ADAMTS3: variants seen among roughly 807,000 people sequenced by gnomAD.
The protein encoded by ADAMTS3 is A disintegrin and metalloproteinase with thrombospondin motifs 3.
ADAMTS3 carries 73 observed loss-of-function variants against 129.0 expected under a neutral mutation model. The ratio of observed to expected loss-of-function variants is 0.57; its 90% CI spans 0.47 to 0.69. The LOEUF (loss-of-function observed/expected upper bound fraction) is 0.69, where lower values mean the gene tolerates loss of function less well. Ranked by LOEUF, ADAMTS3 falls within the 30% of genes least tolerant of loss-of-function variation. The probability of loss-of-function intolerance (pLI) is 0.00; values close to 1 mark genes in which losing one functional copy is unlikely to be tolerated. For missense variants in ADAMTS3, 1,457 were observed against 1,514.5 expected, an observed-to-expected ratio of 0.96 and a Z score of 0.63; for synonymous variants, 477 against 510.8, an observed-to-expected ratio of 0.93 and a Z score of 0.89.
At chr4:72,542,283 G>T (rs1721351985) in intron 3 of ADAMTS3, among the ~76,000 whole-genome samples, 1 of 152,048 alleles carries the variant, frequency 6.6e-6, no homozygotes, top group Admixed American at 6.6e-5. Flanking sequence ...TCCTATCTCA[G>T]CCTCCCGAGT....
At chr4:72,513,809 A>G (rs1022465638) in intron 3 of ADAMTS3, among the ~76,000 whole-genome samples, 8 of 152,080 alleles carry the variant, frequency 5.3e-5, no homozygotes, top group African/African-American at 1.9e-4. Context: ...ATTGTACCCA[A>G]CAGGTAATTT....
intron 4 of ADAMTS3, among the ~76,000 whole-genome samples, chr4:72,369,262 A>G (rs1220961656): frequency 1.3e-5 from 2 of 152,156 alleles, no homozygotes; most frequent in East Asian, 3.9e-4. Context: ...CCCAAGAACA[A>G]CTTTTCAACT....
At chr4:72,381,005 T>C (rs534280567) in intron 4 of ADAMTS3, among the ~76,000 whole-genome samples, 15 of 152,306 alleles carry the variant, frequency 9.8e-5, no homozygotes, top group African/African-American at 3.6e-4. Flanking sequence ...GACTCATTCA[T>C]ATGATTTTAA....
intron 3 of ADAMTS3, among the ~76,000 whole-genome samples, chr4:72,530,517 T>C (rs368852175): frequency 1.0e-4 from 6 of 58,238 alleles, no homozygotes; most frequent in Non-Finnish European, 1.4e-4. Context: ...TATTTATATA[T>C]AAATATATTA....
intron 3 of ADAMTS3, among the ~76,000 whole-genome samples, chr4:72,520,436 C>A (rs1720633043): frequency 6.6e-6 from 1 of 152,308 alleles, no homozygotes; most frequent in African/African-American, 2.4e-5. Flanking sequence ...TGTGCCCTGC[C>A]CCCAGAGGTG....
chr4:72,285,009 C>T (rs1029655144), intron 21 of ADAMTS3, among the ~76,000 whole-genome samples: 1 of 152,184 alleles, frequency 6.6e-6, no homozygotes, highest in African/African-American at 2.4e-5. Context: ...AAAGAACTGT[C>T]AATTGTGGCA....
intron 3 of ADAMTS3, among the ~76,000 whole-genome samples, chr4:72,430,503 A>C (rs1304358662): frequency 6.6e-6 from 1 of 151,930 alleles, no homozygotes; most frequent in Non-Finnish European, 1.5e-5. Flanking sequence ...CAGCCATTCA[A>C]TTCACTCCCA....
chr4:72,416,274 C>T (rs1293875997), intron 3 of ADAMTS3, among the ~76,000 whole-genome samples: 1 of 151,118 alleles, frequency 6.6e-6, no homozygotes, highest in African/African-American at 2.4e-5. Flanking sequence ...TCAAATCTGT[C>T]CTTTTCCTTT....
chr4:72,393,888 G>C (rs1721662891), intron 4 of ADAMTS3, among the ~76,000 whole-genome samples: 1 of 152,182 alleles, frequency 6.6e-6, no homozygotes, highest in African/African-American at 2.4e-5. Context: ...TCTGGAATTT[G>C]TTTTATTAAG....
intron 3 of ADAMTS3, among the ~76,000 whole-genome samples, chr4:72,460,660 A>G (rs1474495046): frequency 6.6e-6 from 1 of 151,568 alleles, no homozygotes; most frequent in Non-Finnish European, 1.5e-5. Flanking sequence ...ACTTAGATCC[A>G]AATTTGGGAA....
At chr4:72,534,211 A>C (rs2109768972) in intron 3 of ADAMTS3, among the ~76,000 whole-genome samples, 1 of 152,176 alleles carries the variant, frequency 6.6e-6, no homozygotes, top group Admixed American at 6.5e-5. Context: ...CCTGCAGTCC[A>C]AGCTACTCAG....
At chr4:72,360,932 T>C (rs944456197) in intron 4 of ADAMTS3, among the ~76,000 whole-genome samples, 1 of 152,126 alleles carries the variant, frequency 6.6e-6, no homozygotes, top group African/African-American at 2.4e-5. Flanking sequence ...TATGTGTATG[T>C]TGAATATTTG....
intron 3 of ADAMTS3, among the ~76,000 whole-genome samples, chr4:72,443,835 C>G (rs996315835): frequency 6.6e-6 from 1 of 151,660 alleles, no homozygotes; most frequent in Non-Finnish European, 1.5e-5. Flanking sequence ...TGGTGATCAT[C>G]TGTGGTCATT....
rs929924261 is a variant in ADAMTS3 at position 72,507,904 on chromosome 4, C to T, written c.504+40574G>A. Reference sequence around the variant, plus strand: ...GTCCTTTTTTGACTTGCATATTTAACGCCTTATTGCCTGTTTACTGCTTTA... The same window carrying T: ...GTCCTTTTTTGACTTGCATATTTAATGCCTTATTGCCTGTTTACTGCTTTA... On this transcript the variant is annotated intron_variant, in intron 3 of 21. Coordinates refer to ENST00000286657, the MANE Select transcript of ADAMTS3 (RefSeq NM_014243.3). 4.6e-5 allele frequency among the ~76,000 whole-genome samples: 7 copies of T among 152,156 alleles called. No individual in the cohort carries two copies. The East Asian group carries it at 5.8e-4, about 13-fold the overall frequency.
intron 5 of ADAMTS3, among the ~76,000 whole-genome samples, chr4:72,329,899 GGTTT>G (rs1004390611): frequency 3.4e-4 from 52 of 152,116 alleles, no homozygotes; most frequent in African/African-American, 1.0e-3. Context: ...TGTTGCTCAA[GGTTT>G]GTTTGTTTGT....
intron 5 of ADAMTS3, among the ~76,000 whole-genome samples, chr4:72,333,786 C>A (rs1719912183): frequency 6.6e-6 from 1 of 150,590 alleles, no homozygotes; most frequent in African/African-American, 2.4e-5. Flanking sequence ...ATTTAATAAT[C>A]AATTCCTGAA....
At chr4:72,507,422 C>T (rs1720192061) in intron 3 of ADAMTS3, among the ~76,000 whole-genome samples, 1 of 152,208 alleles carries the variant, frequency 6.6e-6, no homozygotes, top group African/African-American at 2.4e-5. Flanking sequence ...TACGAAATAG[C>T]TGGAACCTAA....
chr4:72,332,690 C>G (rs879733131), intron 5 of ADAMTS3, among the ~76,000 whole-genome samples: 2 of 151,812 alleles, frequency 1.3e-5, no homozygotes, highest in African/African-American at 4.9e-5. Flanking sequence ...CTGTCACAGA[C>G]AGCAGAGTGT....
intron 3 of ADAMTS3, among the ~76,000 whole-genome samples, chr4:72,436,510 A>T (rs1717930451): frequency 6.6e-6 from 1 of 152,178 alleles, no homozygotes; most frequent in South Asian, 2.1e-4. Context: ...TACTGGGTAT[A>T]TACCCAAAGG....
Sources: gnomAD v4.1 joint callset for allele counts (sites outside exome capture counted in the v4.1 genomes callset) on GRCh38, gnomAD v4.1.1 for gene constraint, MANE v1.5 for transcripts, NCBI Gene and HGNC (gene_info 2026-07-23, HGNC 2026-07-21) for gene names.